Variants in OPCML observed in about 807,000 individuals in gnomAD.
The protein encoded by OPCML is opioid-binding protein/cell adhesion molecule.
OPCML carries 13 observed loss-of-function variants against 37.8 expected under a neutral mutation model. The observed-to-expected ratio is 0.34, with a 90% CI of 0.22 to 0.55. The LOEUF is 0.55. OPCML is among the 20% of genes least tolerant of loss of function. OPCML has a pLI of 0.91. For missense variants in OPCML, 341 were observed against 435.6 expected, an observed-to-expected ratio of 0.78 and a Z score of 1.93; for synonymous variants, 176 against 168.8, an observed-to-expected ratio of 1.04 and a Z score of -0.33.
At chr11:133,090,749 A>G (rs1948893436) in intron 1 of OPCML, among the ~76,000 whole-genome samples, 1 of 152,208 alleles carries the variant, frequency 6.6e-6, no homozygotes, top group Admixed American at 6.5e-5. Flanking sequence ...TGAAGTGAAG[A>G]CAGAATTTAT....
At chr11:132,702,373 C>T (rs1215185253) in intron 2 of OPCML, among the ~76,000 whole-genome samples, 1 of 152,180 alleles carries the variant, frequency 6.6e-6, no homozygotes, top group Non-Finnish European at 1.5e-5. Context: ...GACTATATCA[C>T]CCCATTCTTT....
chr11:133,230,979 G>A (rs138851850), intron 1 of OPCML, among the ~76,000 whole-genome samples: 1 of 152,310 alleles, frequency 6.6e-6, no homozygotes, highest in East Asian at 1.9e-4. Flanking sequence ...GGGAGGGTGT[G>A]CAGGGCGCTT....
At chr11:133,040,556 T>C (rs1349255253) in intron 1 of OPCML, among the ~76,000 whole-genome samples, 1 of 152,210 alleles carries the variant, frequency 6.6e-6, no homozygotes, top group Non-Finnish European at 1.5e-5. Context: ...GTGTTGGATG[T>C]CTGAAAACGG....
chr11:133,515,470 T>G (rs1244151132), intron 1 of OPCML, among the ~76,000 whole-genome samples: 1 of 152,160 alleles, frequency 6.6e-6, no homozygotes, highest in Non-Finnish European at 1.5e-5. Flanking sequence ...AAAGAACTAT[T>G]GTGCCTAAAA....
chr11:132,728,021 C>G (rs1007231830), intron 2 of OPCML, among the ~76,000 whole-genome samples: 7 of 152,160 alleles, frequency 4.6e-5, no homozygotes, highest in East Asian at 1.9e-4. Flanking sequence ...GAGGAAGAAA[C>G]AGGTTTACCA....
intron 2 of OPCML, among the ~76,000 whole-genome samples, chr11:132,786,178 A>G (rs529016981): frequency 6.6e-6 from 1 of 152,300 alleles, no homozygotes; most frequent in East Asian, 1.9e-4. Flanking sequence ...AGCTTTCACT[A>G]TGTGGTTATC....
intron 2 of OPCML, among the ~76,000 whole-genome samples, chr11:132,910,125 T>A (rs1944376538): frequency 6.6e-6 from 1 of 152,170 alleles, no homozygotes; most frequent in Non-Finnish European, 1.5e-5. Flanking sequence ...AAGGCACTCC[T>A]CCTCTGAGCA....
intron 2 of OPCML, among the ~76,000 whole-genome samples, chr11:132,787,881 T>A (rs1357873854): frequency 1.3e-5 from 2 of 152,172 alleles, no homozygotes; most frequent in Admixed American, 6.5e-5. Flanking sequence ...AGTTAATGAT[T>A]TTTTGTTTGT....
chr11:133,233,340 A>C (rs1341743286), intron 1 of OPCML, among the ~76,000 whole-genome samples: 1 of 152,120 alleles, frequency 6.6e-6, no homozygotes, highest in Non-Finnish European at 1.5e-5. Context: ...GAAACATCAG[A>C]TGTGGGAAGG....
intron 1 of OPCML, among the ~76,000 whole-genome samples, chr11:133,219,451 G>C (rs1939721615): frequency 6.6e-6 from 1 of 152,202 alleles, no homozygotes; most frequent in Non-Finnish European, 1.5e-5. Flanking sequence ...GCCTAATCTA[G>C]TTAATAAAAT....
At chr11:132,951,793 AACAGG>A (rs1443806975) in intron 1 of OPCML, among the ~76,000 whole-genome samples, 1 of 152,198 alleles carries the variant, frequency 6.6e-6, no homozygotes, top group Non-Finnish European at 1.5e-5. Context: ...TAATAAAAGA[AACAGG>A]ACAGGTTTTT....
At chr11:132,527,804 A>T (rs1212015183) in intron 4 of OPCML, among the ~76,000 whole-genome samples, 2 of 152,208 alleles carry the variant, frequency 1.3e-5, no homozygotes, top group Non-Finnish European at 2.9e-5. Context: ...GAGGTAATCA[A>T]GTTAAAACGA....
At chr11:133,484,279 A>T (rs2120375713) in intron 1 of OPCML, among the ~76,000 whole-genome samples, 1 of 152,286 alleles carries the variant, frequency 6.6e-6, no homozygotes, top group South Asian at 2.1e-4. Context: ...ATCAAAGAAT[A>T]ACTCCATAAA....
intron 3 of OPCML, among the ~76,000 whole-genome samples, chr11:132,620,299 G>A (rs1793255): frequency 0.25 from 38,537 of 152,046 alleles, 5,701 homozygotes; most frequent in East Asian, 0.65. Flanking sequence ...CAGATAAGTT[G>A]TTTCTTTCTC....
intron 2 of OPCML, among the ~76,000 whole-genome samples, chr11:132,695,870 G>A (rs146429148): frequency 7.9e-5 from 12 of 152,312 alleles, no homozygotes; most frequent in Non-Finnish European, 1.3e-4. Context: ...CTCCTCAGGA[G>A]AGTGCTCTAG....
chr11:133,418,461 GTA>G, intron 1 of OPCML: 1 of 985,354 alleles, frequency 1.0e-6, no homozygotes, highest in Non-Finnish European at 1.2e-6. Flanking sequence ...GGTGTTTCTA[GTA>G]TCTGTGGTTG....
intron 1 of OPCML, among the ~76,000 whole-genome samples, chr11:133,516,098 G>A (rs138419759): frequency 6.6e-6 from 1 of 152,260 alleles, no homozygotes; most frequent in Non-Finnish European, 1.5e-5. Context: ...AAGCTGGGCA[G>A]GAGCCATGAG....
intron 4 of OPCML, among the ~76,000 whole-genome samples, chr11:132,459,524 T>C (rs540336824): frequency 1.3e-3 from 188 of 148,070 alleles, no homozygotes; most frequent in African/African-American, 3.6e-3. Context: ...TATATATATA[T>C]ACACACATAT....
rs138377590 is a variant in OPCML, at chr11:133,454,264, T to A, written c.61+78000A>T. Among the ~76,000 whole-genome samples the A allele has an allele frequency of 1.5e-3, 233 of 152,320 alleles. 1 individual carries two copies. Among genetic ancestry groups the A allele is most frequent in the Middle Eastern group, 6.8e-3 (2 of 294 alleles). On this transcript the variant is annotated intron_variant, in intron 1 of 7. Transcript: ENST00000524381. ...CTATTGGTTGATACTATGTCTCAGA[T>A]CTGAATTACTAAAAATGTAGTGTTA...
Sources: gnomAD v4.1 joint callset for allele counts (sites outside exome capture counted in the v4.1 genomes callset) on GRCh38, gnomAD v4.1.1 for gene constraint, MANE v1.5 for transcripts, NCBI Gene and HGNC (gene_info 2026-07-23, HGNC 2026-07-21) for gene names.